Variants in OLFM3 observed in about 807,000 individuals in gnomAD.
OLFM3 encodes the protein olfactomedin 3.
Under a neutral mutation model 48.6 loss-of-function variants are expected in OLFM3, and 20 were observed. The ratio of observed to expected loss-of-function variants is 0.41; its 90% confidence interval spans 0.29 to 0.60. OLFM3 has a LOEUF of 0.60. Among genes scored for constraint, OLFM3 ranks in the 20% least tolerant of loss-of-function variants. The pLI, the probability that OLFM3 is intolerant of heterozygous loss-of-function variation, is 0.28. For synonymous variants in OLFM3, 222 were observed against 198.1 expected (o/e 1.12, Z -1.01); for missense variants, 437 against 544.3 (o/e 0.80, Z 1.96).
chr1:101,994,110 T>C (rs1661492507), intron 1 of OLFM3, among the ~76,000 whole-genome samples: 1 of 151,696 alleles, frequency 6.6e-6, no homozygotes, highest in African/African-American at 2.4e-5. Context: ...GTATTTGATA[T>C]ATGTAAAATC....
intron 1 of OLFM3, among the ~76,000 whole-genome samples, chr1:101,884,796 T>G (rs1344327518): frequency 6.6e-6 from 1 of 152,018 alleles, no homozygotes; most frequent in Non-Finnish European, 1.5e-5. Flanking sequence ...AGGGCTTGCC[T>G]TTTAAAGTTC....
chr1:101,912,955 C>T (rs2101030121), intron 1 of OLFM3, among the ~76,000 whole-genome samples: 1 of 152,230 alleles, frequency 6.6e-6, no homozygotes, highest in East Asian at 1.9e-4. Flanking sequence ...GCTACAAAGT[C>T]AAATTTCACT....
chr1:101,978,653 C>A (rs1279570839), intron 1 of OLFM3, among the ~76,000 whole-genome samples: 1 of 152,008 alleles, frequency 6.6e-6, no homozygotes, highest in Non-Finnish European at 1.5e-5. Flanking sequence ...TAGTAGTAAC[C>A]AGATCAAACT....
chr1:101,979,221 G>A (rs1434254533), intron 1 of OLFM3, among the ~76,000 whole-genome samples: 1 of 152,146 alleles, frequency 6.6e-6, no homozygotes, highest in Non-Finnish European at 1.5e-5. Flanking sequence ...AGTCCCACCT[G>A]CTGTCTACTC....
chr1:101,861,897 A>G (rs536814316), intron 1 of OLFM3, among the ~76,000 whole-genome samples: 2 of 152,340 alleles, frequency 1.3e-5, no homozygotes, highest in African/African-American at 4.8e-5. Context: ...AGTTAGATTT[A>G]TTAACTTGTT....
chr1:101,965,458 T>C (rs1490590436), intron 1 of OLFM3, among the ~76,000 whole-genome samples: 1 of 152,178 alleles, frequency 6.6e-6, no homozygotes, highest in Admixed American at 6.5e-5. Flanking sequence ...GAGGTTTCAA[T>C]ATAAAACTCC....
intron 1 of OLFM3, among the ~76,000 whole-genome samples, chr1:101,869,025 C>T (rs961614763): frequency 1.1e-4 from 17 of 152,148 alleles, no homozygotes; most frequent in East Asian, 1.9e-4. Context: ...GCTGCAGGGG[C>T]GGTACCCTCA....
intron 1 of OLFM3, among the ~76,000 whole-genome samples, chr1:101,927,776 T>C (rs1001364186): frequency 1.3e-5 from 2 of 149,278 alleles, no homozygotes; most frequent in East Asian, 1.9e-4. Context: ...ATTCTAAAAA[T>C]ATTATAAATA....
At chr1:101,948,850 TTTATATA>T (rs1219161249) in intron 1 of OLFM3, among the ~76,000 whole-genome samples, 1 of 147,744 alleles carries the variant, frequency 6.8e-6, no homozygotes. Flanking sequence ...ATTATGTATT[TTTATATA>T]TTATATATTT....
chr1:101,841,412 G>T (rs1189957649), intron 1 of OLFM3, among the ~76,000 whole-genome samples: 3 of 152,094 alleles, frequency 2.0e-5, no homozygotes, highest in Non-Finnish European at 4.4e-5. Context: ...CCAGTTTTTA[G>T]CCCAGAGCTT....
chr1:101,965,044 C>T (rs968474752), intron 1 of OLFM3, among the ~76,000 whole-genome samples: 2 of 152,108 alleles, frequency 1.3e-5, no homozygotes, highest in Non-Finnish European at 2.9e-5. Flanking sequence ...CCTCTTTAAA[C>T]TGTGATGAAG....
At chr1:101,934,315 G>T (rs991541532) in intron 1 of OLFM3, among the ~76,000 whole-genome samples, 1 of 152,054 alleles carries the variant, frequency 6.6e-6, no homozygotes, top group Admixed American at 6.6e-5. Context: ...AAGAACATGG[G>T]TTGCTATTCT....
intron 5 of OLFM3, 26 bp downstream of exon 5, chr1:101,806,050 C>A: frequency 1.3e-6 from 2 of 1,526,070 alleles, no homozygotes; most frequent in South Asian, 1.1e-5. Context: ...TAATTCTAAG[C>A]AAAGGTGTTT....
chr1:101,898,850 AAAAC>A (rs929995563), intron 1 of OLFM3, among the ~76,000 whole-genome samples: 28 of 152,290 alleles, frequency 1.8e-4, no homozygotes, highest in South Asian at 4.1e-4. Context: ...CTGTGTCTCA[AAAAC>A]AAACAAACAA....
intron 1 of OLFM3, among the ~76,000 whole-genome samples, chr1:101,990,104 A>G (rs559424310): frequency 1.3e-5 from 2 of 152,270 alleles, no homozygotes; most frequent in South Asian, 4.2e-4. Context: ...TTCTTGATGC[A>G]GTTGGGCTTT....
chr1:101,993,600 A>G (rs2101125081), intron 1 of OLFM3, among the ~76,000 whole-genome samples: 1 of 152,156 alleles, frequency 6.6e-6, no homozygotes, highest in East Asian at 1.9e-4. Flanking sequence ...GAGTTTTTCT[A>G]AAAAGAACTG....
chr1:101,932,656 T>C (rs1317876972), intron 1 of OLFM3, among the ~76,000 whole-genome samples: 1 of 151,708 alleles, frequency 6.6e-6, no homozygotes, highest in African/African-American at 2.4e-5. Context: ...ACAAAAAACA[T>C]GGAAAGAATA....
At chr1:101,942,577 T>A (rs6669041) in intron 1 of OLFM3, among the ~76,000 whole-genome samples, 1 of 151,640 alleles carries the variant, frequency 6.6e-6, no homozygotes, top group Non-Finnish European at 1.5e-5. Context: ...CATTGTTATA[T>A]AGAACAGTAC....
At chr1:101,996,355 C>T (rs529934646) in intron 1 of OLFM3, among the ~76,000 whole-genome samples, 159 of 152,282 alleles carry the variant, frequency 1.0e-3, no homozygotes, top group Non-Finnish European at 2.0e-3. Context: ...CTGCTTTCAA[C>T]AAAGAAACGG....
Sources: allele counts gnomAD v4.1 joint callset (sites outside exome capture counted in the v4.1 genomes callset), GRCh38; gene constraint gnomAD v4.1.1; transcripts MANE v1.5; gene names NCBI Gene and HGNC (gene_info 2026-07-23, HGNC 2026-07-21).